The following METAP2 variants were observed in gnomAD, a reference collection of about 807,000 sequenced individuals.
METAP2 encodes methionine aminopeptidase 2.
In METAP2, 25 loss-of-function variants were observed where a neutral mutation model predicts 59.4. The observed-to-expected ratio is 0.42, with a 90% CI of 0.31 to 0.59. The LOEUF is 0.59. Ranked by LOEUF, METAP2 falls within the 20% of genes least tolerant of loss-of-function variation. The pLI, the probability that METAP2 is intolerant of heterozygous loss-of-function variation, is 0.16. For missense variants in METAP2, 366 were observed against 581.2 expected (o/e 0.63, Z 3.81); for synonymous variants, 214 against 194.1 (o/e 1.10, Z -0.85).
Position 95,514,307 on chromosome 12 carries a change from T to TC in METAP2, c.*405dup, listed in dbSNP as rs1268946789. Reference sequence around the variant, plus strand: ...GTGTTGCTTTTTAACCTTCCTGGAATCCATTTTCTAAAAAATAAAGACATT... The same window carrying TC: ...GTGTTGCTTTTTAACCTTCCTGGAATCCCATTTTCTAAAAAATAAAGACATT... On this transcript the variant is annotated 3_prime_UTR_variant, in exon 11 of 11. Transcript: ENST00000323666. The TC allele has an allele frequency of 1.2e-5, 2 of 162,564 alleles. No homozygotes were observed. Among genetic ancestry groups the TC allele is most frequent in the African/African-American group, 4.8e-5 (2 of 41,836 alleles). 10.1% of individuals were successfully genotyped at this position (162,564 alleles called of 1,614,324 possible). A position where few individuals can be genotyped will look rare whatever the true frequency, so the allele number is the denominator to read the frequency against.
chr12:95,483,475 CA>C (rs141083015), intron 3 of METAP2, 195 bp downstream of exon 3: 9,850 of 66,720 alleles, frequency 0.15, 130 homozygotes, highest in Non-Finnish European at 0.17. Flanking sequence ...GACTCTGTCT[CA>C]AAAAAAAAAA....
chr12:95,476,565 A>C (rs950660768), intron 2 of METAP2, among the ~76,000 whole-genome samples: 1 of 152,028 alleles, frequency 6.6e-6, no homozygotes, highest in Non-Finnish European at 1.5e-5. Context: ...GATATTCCTT[A>C]ATCAAAATTT....
chr12:95,511,646 C>T (rs2076403866), intron 8 of METAP2, among the ~76,000 whole-genome samples: 1 of 152,124 alleles, frequency 6.6e-6, no homozygotes, highest in African/African-American at 2.4e-5. Context: ...CTTGCCTCGG[C>T]CTCCCAGAGT....
At chr12:95,501,525 G>A (rs181000646) in intron 7 of METAP2, among the ~76,000 whole-genome samples, 1 of 152,176 alleles carries the variant, frequency 6.6e-6, no homozygotes, top group Non-Finnish European at 1.5e-5. Flanking sequence ...GACTGTTCTG[G>A]CCAACGTGGT....
chr12:95,479,034 G>C (rs908770975), intron 2 of METAP2, among the ~76,000 whole-genome samples: 2 of 152,080 alleles, frequency 1.3e-5, no homozygotes, highest in African/African-American at 4.8e-5. Flanking sequence ...CCTGTGACTG[G>C]CCACTGCACT....
intron 4 of METAP2, among the ~76,000 whole-genome samples, chr12:95,490,828 C>T (rs2076232349): frequency 1.3e-5 from 2 of 152,114 alleles, no homozygotes; most frequent in African/African-American, 2.4e-5. Context: ...GTAGAGGTCT[C>T]ATGTTCTGGG....
At chr12:95,489,020 C>A (rs10859887) in intron 4 of METAP2, among the ~76,000 whole-genome samples, 1 of 151,920 alleles carries the variant, frequency 6.6e-6, no homozygotes, top group Non-Finnish European at 1.5e-5. Flanking sequence ...TATTTTTTCA[C>A]TTATTCAATT....
At chr12:95,474,916 G>C (rs545391655) in intron 1 of METAP2, among the ~76,000 whole-genome samples, 1 of 152,244 alleles carries the variant, frequency 6.6e-6, no homozygotes, top group East Asian at 1.9e-4. Flanking sequence ...TGGTGATAAC[G>C]AATTTTCACC....
At chr12:95,496,824 T>TC (rs1178081960) in intron 7 of METAP2, among the ~76,000 whole-genome samples, 9 of 142,740 alleles carry the variant, frequency 6.3e-5, no homozygotes, top group African/African-American at 7.9e-5. Flanking sequence ...TTTCTTTCTT[T>TC]TTTTTTTTTT....
chr12:95,513,125 ACACACAC>A (rs2076416542), intron 10 of METAP2, among the ~76,000 whole-genome samples: 2 of 150,636 alleles, frequency 1.3e-5, no homozygotes, highest in South Asian at 2.1e-4. Context: ...ACACACACAC[ACACACAC>A]AAGTGCTCTC....
At chr12:95,513,001 CA>C (rs2076414669) in intron 10 of METAP2, 85 bp downstream of exon 10, 1 of 706,906 alleles carries the variant, frequency 1.4e-6, no homozygotes, top group East Asian at 2.9e-5. Flanking sequence ...GGCATACATA[CA>C]AAATAGTATA....
At chr12:95,509,555 G>C (rs7299439) in intron 8 of METAP2, among the ~76,000 whole-genome samples, 35,624 of 152,110 alleles carry the variant, frequency 0.23, 4,815 homozygotes, top group East Asian at 0.48. Context: ...GTTGCAGTGG[G>C]CTTTGTGCAA....
At chr12:95,511,547 A>G (rs2076403050) in intron 8 of METAP2, among the ~76,000 whole-genome samples, 1 of 151,614 alleles carries the variant, frequency 6.6e-6, no homozygotes, top group Non-Finnish European at 1.5e-5. Flanking sequence ...CCCCACCACC[A>G]CACCCAGCGA....
intron 8 of METAP2, among the ~76,000 whole-genome samples, chr12:95,506,158 C>T (rs1417499305): frequency 6.6e-6 from 1 of 151,934 alleles, no homozygotes; most frequent in African/African-American, 2.4e-5. Context: ...GGCACGGTTG[C>T]AGCCCAACCC....
intron 3 of METAP2, chr12:95,484,681 A>G (rs2076182708): frequency 6.0e-6 from 2 of 332,644 alleles, no homozygotes; most frequent in Non-Finnish European, 1.1e-5. Context: ...TGTTGAATGT[A>G]CTGTTCATTA....
At chr12:95,502,622 T>C (rs1298021110) in intron 7 of METAP2, among the ~76,000 whole-genome samples, 3 of 152,122 alleles carry the variant, frequency 2.0e-5, no homozygotes, top group Admixed American at 1.3e-4. Context: ...TTCTTGTATT[T>C]CATCAAATTT....
intron 7 of METAP2, among the ~76,000 whole-genome samples, chr12:95,501,299 A>G (rs895195185): frequency 3.9e-5 from 6 of 152,174 alleles, no homozygotes; most frequent in Non-Finnish European, 8.8e-5. Flanking sequence ...AAGTGTTGAG[A>G]TTACAGGCAT....
rs767803242 is a variant in METAP2 at position 95,495,146 on chromosome 12, C to A, written c.772+8C>A. ...TTGGAACACATATAAGTGGTAAATT[C>A]TTGCAGAAAATTCCTACCCCAGCCT... On this transcript the variant is annotated splice_region_variant and intron_variant, in intron 6 of 10. Transcript: ENST00000323666. The A allele has an allele frequency of 1.3e-6, 2 of 1,592,496 alleles. No homozygotes were observed. The highest frequency in any genetic ancestry group is 2.2e-5 in the East Asian group (1 of 44,686).
chr12:95,483,415 G>T (rs1214593934), intron 3 of METAP2, 135 bp downstream of exon 3: 2 of 562,684 alleles, frequency 3.6e-6, no homozygotes, highest in Admixed American at 2.6e-5. Context: ...GACGGAGATT[G>T]CAGTAAGCTG....
Sources: gnomAD v4.1 joint callset for allele counts (sites outside exome capture counted in the v4.1 genomes callset) on GRCh38, gnomAD v4.1.1 for gene constraint, MANE v1.5 for transcripts, NCBI Gene and HGNC (gene_info 2026-07-23, HGNC 2026-07-21) for gene names.